SUGT1: variants seen among roughly 807,000 people sequenced by gnomAD.
SUGT1 encodes the protein SGT1 assembly cochaperone of MIS12 kinetochore complex, also known as protein SGT1 homolog.
A neutral mutation model predicts 56.1 loss-of-function variants in SUGT1; 15 were observed. That is an observed-to-expected ratio of 0.27 (90% CI 0.18 to 0.41). The LOEUF (loss-of-function observed/expected upper bound fraction) is 0.41, where lower values mean the gene tolerates loss of function less well. Among genes scored for constraint, SUGT1 ranks in the 10% least tolerant of loss-of-function variants. The pLI is 1.00. For missense variants in SUGT1, 347 were observed against 382.2 expected (o/e 0.91, Z 0.77); for synonymous variants, 123 against 128.6 (o/e 0.96, Z 0.30).
At chr13:52,660,887 G>GCC (rs1397845623) in intron 5 of SUGT1, among the ~76,000 whole-genome samples, 8 of 152,198 alleles carry the variant, frequency 5.3e-5, no homozygotes, top group Non-Finnish European at 1.0e-4. Context: ...GGTCACTGCA[G>GCC]CCTCCACCTC....
chr13:52,661,222 A>T (rs1962431071), intron 5 of SUGT1, among the ~76,000 whole-genome samples: 1 of 152,202 alleles, frequency 6.6e-6, no homozygotes, highest in South Asian at 2.1e-4. Context: ...ATTGCTGTTG[A>T]GGATATTTTA....
intron 10 of SUGT1, among the ~76,000 whole-genome samples, chr13:52,675,084 A>G (rs7999466): frequency 0.96 from 145,660 of 152,254 alleles, 69,696 homozygotes; most frequent in East Asian, 0.99. Context: ...GCCATTCCCT[A>G]TGCTCTGGAG....
chr13:52,663,911 T>C lies in SUGT1; in HGVS notation c.400-124T>C. On this transcript the variant is annotated intron_variant, in intron 7 of 12. Coordinates refer to ENST00000310528, the MANE Select transcript of SUGT1 (RefSeq NM_006704.5). ...TTTGAAGAAAATTTTCATGTAGTTA[T>C]TTTATATCAAAATAACTGCAGTGTT... 5 of 949,372 alleles carry C rather than the reference T, an allele frequency of 5.3e-6. No individual in the cohort carries two copies. The South Asian group carries it at 8.0e-5, about 15-fold the overall frequency. 58.8% of individuals were successfully genotyped at this position (949,372 alleles called of 1,614,324 possible). A position where few individuals can be genotyped will look rare whatever the true frequency, so the allele number is the denominator to read the frequency against.
At chr13:52,667,193 C>A (rs1037113607) in intron 10 of SUGT1, among the ~76,000 whole-genome samples, 58 of 152,194 alleles carry the variant, frequency 3.8e-4, no homozygotes, top group Non-Finnish European at 7.6e-4. Context: ...TAAAAAGATA[C>A]AATAATCAGC....
At chr13:52,664,476 A>G (rs909704432) in intron 8 of SUGT1, among the ~76,000 whole-genome samples, 4 of 152,206 alleles carry the variant, frequency 2.6e-5, no homozygotes, top group African/African-American at 9.6e-5. Flanking sequence ...GAGGGCAGCA[A>G]TTATAATAAT....
At chr13:52,659,374 T>G (rs1021303807) in intron 5 of SUGT1, 125 bp downstream of exon 5, 9 of 519,028 alleles carry the variant, frequency 1.7e-5, no homozygotes, top group Middle Eastern at 5.3e-4. Flanking sequence ...CTCATCTAAA[T>G]TATATTTCAT....
intron 10 of SUGT1, among the ~76,000 whole-genome samples, chr13:52,672,703 T>G (rs1962991957): frequency 6.6e-6 from 1 of 152,238 alleles, no homozygotes; most frequent in African/African-American, 2.4e-5. Flanking sequence ...CTCTTTAGTC[T>G]CTGGGAAAGA....
In SUGT1 at chr13:52,698,923, T is replaced by G. The variant is rs1320664848; in HGVS notation, c.*11088T>G. The stretch of plus-strand genomic sequence containing the variant: ...CCTCCTGAGATTTTGAATCAGTACC[T>G]TTGAGAGAGGGTCCAGTAAATCTTT... On this transcript the variant is annotated 3_prime_UTR_variant, in exon 13 of 13. Transcript: ENST00000310528. The G allele has an allele frequency of 6.6e-6, 1 of 151,354 alleles. No homozygotes were observed. The allele number at this position is 151,354 out of a possible 1,614,324, so 9.4% of individuals were successfully genotyped here.
At position 52,658,584 on chromosome 13, in the gene SUGT1, A is replaced by G. The variant is rs568220680; in HGVS notation, c.257+116A>G. On this transcript the variant is annotated intron_variant, in intron 4 of 12. Transcript: ENST00000310528. ...GTAAAATTCTGTATTTATACATTAT[A>G]TAGCAGAGATATGATTCAATTTTAA... The G allele has an allele frequency of 1.9e-4, 170 of 873,836 alleles. No homozygotes were observed. In the African/African-American group the frequency reaches 2.7e-3, roughly 14 times the overall value. 54.1% of individuals were successfully genotyped at this position (873,836 alleles called of 1,614,324 possible).
chr13:52,654,741 ACATT>A (rs1251723211), intron 2 of SUGT1, among the ~76,000 whole-genome samples: 9 of 152,272 alleles, frequency 5.9e-5, no homozygotes, highest in African/African-American at 2.2e-4. Context: ...ACATAAGTAT[ACATT>A]CATATTGTGT....
chr13:52,659,638 T>C (rs1222857594), intron 5 of SUGT1, among the ~76,000 whole-genome samples: 2 of 151,546 alleles, frequency 1.3e-5, no homozygotes, highest in African/African-American at 4.8e-5. Flanking sequence ...TATGGAGAAG[T>C]GAAGTGTACG....
intron 10 of SUGT1, among the ~76,000 whole-genome samples, chr13:52,674,262 G>C (rs892062118): frequency 6.6e-6 from 1 of 151,832 alleles, no homozygotes; most frequent in Non-Finnish European, 1.5e-5. Context: ...ATGTTGGCCG[G>C]GCTGGTCTTG....
In SUGT1 at chr13:52,695,253, G is replaced by A. The variant is rs1363109510; in HGVS notation, c.*7418G>A. ...GGATGAAACATGCTTAAGAAATTGA[G>A]TGCATTTCCTTTATTATTGTTATTA... On this transcript the variant is annotated 3_prime_UTR_variant, in exon 13 of 13. Coordinates refer to ENST00000310528, the MANE Select transcript of SUGT1 (RefSeq NM_006704.5). 6.6e-6 allele frequency: 1 copy of A among 152,116 alleles called. No homozygotes were observed. Among genetic ancestry groups the A allele is most frequent in the African/African-American group, 2.4e-5 (1 of 41,426 alleles). The allele number at this position is 152,116 out of a possible 1,614,324, so 9.4% of individuals were successfully genotyped here.
chr13:52,680,954 A>G (rs905989387), intron 12 of SUGT1, among the ~76,000 whole-genome samples: 2 of 151,808 alleles, frequency 1.3e-5, no homozygotes, highest in African/African-American at 4.8e-5. Flanking sequence ...TGATTTTCCT[A>G]CCTCAGCCTC....
rs1049475383 is a variant in SUGT1 at position 52,690,453 on chromosome 13, T to C, written c.*2618T>C. 6.6e-6 allele frequency: 1 copy of C among 152,224 alleles called. No homozygotes were observed. The highest frequency in any genetic ancestry group is 1.5e-5 in the Non-Finnish European group (1 of 68,028). 9.4% of individuals were successfully genotyped at this position (152,224 alleles called of 1,614,324 possible). On this transcript the variant is annotated 3_prime_UTR_variant, in exon 13 of 13. Coordinates refer to ENST00000310528, the MANE Select transcript of SUGT1 (RefSeq NM_006704.5). Reference sequence around the variant, plus strand: ...TAGCCTTTTGTTTCTTCAGAATGTATGTATTTTTCCTCTTAAATGTTTCCT... The same window carrying C: ...TAGCCTTTTGTTTCTTCAGAATGTACGTATTTTTCCTCTTAAATGTTTCCT...
At chr13:52,680,987 A>G (rs962749127) in intron 12 of SUGT1, among the ~76,000 whole-genome samples, 5 of 152,010 alleles carry the variant, frequency 3.3e-5, no homozygotes, top group Admixed American at 2.0e-4. Flanking sequence ...GACTATAGAC[A>G]TGCACCACCA....
In SUGT1 at chr13:52,662,467, A is replaced by C. The variant is rs553566941; in HGVS notation, c.329-182A>C. Among the ~76,000 whole-genome samples, 4 of 152,340 alleles carry C rather than the reference A, an allele frequency of 2.6e-5. No homozygotes were observed. The South Asian group carries it at 8.3e-4, about 32-fold the overall frequency. Reference sequence around the variant, plus strand: ...TTTCATGATTAACAACTAAATGTTAAACTATTGGTATATTTATAACTATAG... The same window carrying C: ...TTTCATGATTAACAACTAAATGTTACACTATTGGTATATTTATAACTATAG... On this transcript the variant is annotated intron_variant, in intron 5 of 12. Transcript: ENST00000310528.
At chr13:52,672,131 T>C (rs1295937508) in intron 10 of SUGT1, among the ~76,000 whole-genome samples, 1 of 152,192 alleles carries the variant, frequency 6.6e-6, no homozygotes, top group Non-Finnish European at 1.5e-5. Flanking sequence ...ACTCAGCAAA[T>C]GCGTTATCAT....
At chr13:52,656,613 C>T (rs1480026067) in intron 2 of SUGT1, among the ~76,000 whole-genome samples, 1 of 152,200 alleles carries the variant, frequency 6.6e-6, no homozygotes, top group African/African-American at 2.4e-5. Context: ...TAGCATCTTA[C>T]AGCTTCTTTG....
Sources: allele counts gnomAD v4.1 joint callset (sites outside exome capture counted in the v4.1 genomes callset), GRCh38; gene constraint gnomAD v4.1.1; transcripts MANE v1.5; gene names NCBI Gene and HGNC (gene_info 2026-07-23, HGNC 2026-07-21).